Variants in SPOCK1 observed in about 807,000 individuals in gnomAD.
SPOCK1 encodes testican-1.
SPOCK1 carries 23 observed loss-of-function variants against 55.3 expected under a neutral mutation model. The observed-to-expected ratio is 0.42, with a 90% CI of 0.30 to 0.59. The LOEUF (loss-of-function observed/expected upper bound fraction) is 0.59. Among genes scored for constraint, SPOCK1 ranks in the 20% least tolerant of loss-of-function variants. The pLI, the probability that SPOCK1 is intolerant of heterozygous loss-of-function variation, is 0.22. For missense variants in SPOCK1, 499 were observed against 552.5 expected (o/e 0.90, Z 0.97); for synonymous variants, 226 against 221.0 (o/e 1.02, Z -0.20).
chr5:137,157,737 T>C (rs1233028718), intron 3 of SPOCK1, among the ~76,000 whole-genome samples: 1 of 152,180 alleles, frequency 6.6e-6, no homozygotes, highest in Non-Finnish European at 1.5e-5. Flanking sequence ...GTCACTAGGA[T>C]TCTGGGAACA....
rs551369723 is a variant in SPOCK1, at chr5:137,157,534, G to T, written c.233-16840C>A. ...GAGGTGACTCCCAGAGCAAGAAAGG[G>T]ACCTCTTCCTCCCAGTGCTTTTGCT... On this transcript the variant is annotated intron_variant, in intron 3 of 10. Coordinates refer to ENST00000394945, the MANE Select transcript of SPOCK1 (RefSeq NM_004598.4). 1.1e-4 allele frequency among the ~76,000 whole-genome samples: 16 copies of T among 152,212 alleles called. 1 individual carries two copies. The South Asian group carries it at 2.5e-3, about 24-fold the overall frequency.
At chr5:137,200,400 C>A (rs899183319) in intron 3 of SPOCK1, among the ~76,000 whole-genome samples, 1 of 152,170 alleles carries the variant, frequency 6.6e-6, no homozygotes, top group African/African-American at 2.4e-5. Context: ...TCACTTTATA[C>A]CCCCACTTCC....
chr5:137,177,973 GACC>G (rs552527415), intron 3 of SPOCK1, among the ~76,000 whole-genome samples: 1 of 152,142 alleles, frequency 6.6e-6, no homozygotes, highest in South Asian at 2.1e-4. Flanking sequence ...GGACCTCAAG[GACC>G]ACATGTTGAG....
At chr5:137,271,353 T>C (rs66501470) in intron 2 of SPOCK1, among the ~76,000 whole-genome samples, 24,677 of 149,256 alleles carry the variant, frequency 0.17, 2,243 homozygotes, top group East Asian at 0.35. Flanking sequence ...AAAGAAAATA[T>C]GTTTTACATA....
intron 6 of SPOCK1, among the ~76,000 whole-genome samples, chr5:137,016,957 C>T (rs1490670503): frequency 6.6e-6 from 1 of 152,212 alleles, no homozygotes; most frequent in Non-Finnish European, 1.5e-5. Context: ...CTCCTATGTG[C>T]TCAAGCACAT....
intron 3 of SPOCK1, among the ~76,000 whole-genome samples, chr5:137,175,916 T>A (rs994422486): frequency 6.6e-6 from 1 of 152,154 alleles, no homozygotes; most frequent in African/African-American, 2.4e-5. Flanking sequence ...ATGCATAATT[T>A]GTTCAAATTT....
chr5:137,352,392 C>T (rs557101757), intron 2 of SPOCK1, among the ~76,000 whole-genome samples: 16 of 152,334 alleles, frequency 1.1e-4, no homozygotes, highest in East Asian at 5.8e-4. Context: ...TAAGGCACAC[C>T]GTGCCTCACC....
At position 137,253,643 on chromosome 5, in the gene SPOCK1, C is replaced by A. The variant is rs375899157; in HGVS notation, c.232+13367G>T. ...GCTGTCTACTCTTACATGTACACAT[C>A]CCAGGAGCGGTGTCTCAGTCTCCTC... On this transcript the variant is annotated intron_variant, in intron 3 of 10. Transcript: ENST00000394945. Among the ~76,000 whole-genome samples the A allele has an allele frequency of 9.8e-4, 150 of 152,318 alleles. 3 individuals are homozygous for A. The South Asian group carries it at 0.03, about 31-fold the overall frequency.
chr5:137,486,202 T>C (rs1754051926), intron 2 of SPOCK1, among the ~76,000 whole-genome samples: 1 of 152,226 alleles, frequency 6.6e-6, no homozygotes, highest in Non-Finnish European at 1.5e-5. Context: ...GTTGGCCTGT[T>C]GGCAGTGTCT....
chr5:137,167,804 T>C (rs1458895510), intron 3 of SPOCK1, among the ~76,000 whole-genome samples: 2 of 151,868 alleles, frequency 1.3e-5, no homozygotes, highest in African/African-American at 4.8e-5. Flanking sequence ...CCTATGAGTA[T>C]AGCCATGGGA....
At chr5:137,091,389 A>G (rs1459879241) in intron 5 of SPOCK1, among the ~76,000 whole-genome samples, 1 of 152,240 alleles carries the variant, frequency 6.6e-6, no homozygotes, top group Non-Finnish European at 1.5e-5. Flanking sequence ...CTCGCTGTAG[A>G]TGAAGCTGAG....
chr5:137,275,365 T>C (rs1023630398), intron 2 of SPOCK1, among the ~76,000 whole-genome samples: 12 of 152,188 alleles, frequency 7.9e-5, no homozygotes, highest in Admixed American at 6.5e-5. Context: ...AGCTATTAAC[T>C]ACCACCTCAC....
intron 4 of SPOCK1, among the ~76,000 whole-genome samples, chr5:137,120,560 T>C (rs1181681400): frequency 6.6e-6 from 1 of 152,110 alleles, no homozygotes; most frequent in Non-Finnish European, 1.5e-5. Context: ...CAAATGAGAA[T>C]TTCCAAAAAC....
At chr5:137,185,016 CT>C (rs1329014898) in intron 3 of SPOCK1, among the ~76,000 whole-genome samples, 1 of 152,200 alleles carries the variant, frequency 6.6e-6, no homozygotes, top group Non-Finnish European at 1.5e-5. Context: ...TTGAGACTAT[CT>C]TGTCTGTCTT....
chr5:137,252,927 G>A (rs1756564193), intron 3 of SPOCK1, among the ~76,000 whole-genome samples: 1 of 152,072 alleles, frequency 6.6e-6, no homozygotes, highest in Non-Finnish European at 1.5e-5. Context: ...GGAACTTGTA[G>A]GGATCTAACC....
intron 2 of SPOCK1, among the ~76,000 whole-genome samples, chr5:137,408,211 T>C (rs1752140215): frequency 6.6e-6 from 1 of 152,216 alleles, no homozygotes; most frequent in African/African-American, 2.4e-5. Flanking sequence ...GGCTGTGGTA[T>C]TCAGTGCTGT....
At chr5:137,427,802 G>A (rs917801244) in intron 2 of SPOCK1, among the ~76,000 whole-genome samples, 3 of 151,794 alleles carry the variant, frequency 2.0e-5, no homozygotes, top group Non-Finnish European at 2.9e-5. Flanking sequence ...CCAGCTACTC[G>A]GTAGGCTGAG....
At chr5:137,068,649 T>C (rs1752552973) in intron 5 of SPOCK1, among the ~76,000 whole-genome samples, 1 of 152,202 alleles carries the variant, frequency 6.6e-6, no homozygotes, top group South Asian at 2.1e-4. Context: ...TGTATTATTC[T>C]TGCATTATGG....
intron 2 of SPOCK1, among the ~76,000 whole-genome samples, chr5:137,324,656 TAC>T (rs1292094566): frequency 6.6e-6 from 1 of 152,182 alleles, no homozygotes; most frequent in South Asian, 2.1e-4. Flanking sequence ...ATTCAATGAG[TAC>T]AAAGTTTCAG....
Sources: allele counts gnomAD v4.1 joint callset (sites outside exome capture counted in the v4.1 genomes callset), GRCh38; gene constraint gnomAD v4.1.1; transcripts MANE v1.5; gene names NCBI Gene and HGNC (gene_info 2026-07-23, HGNC 2026-07-21).